MDGA2: variants seen among roughly 807,000 people sequenced by gnomAD.
The protein encoded by MDGA2 is MAM domain containing glycosylphosphatidylinositol anchor 2.
Under a neutral mutation model 117.8 loss-of-function variants are expected in MDGA2, and 40 were observed. The observed-to-expected ratio is 0.34, with a 90% confidence interval of 0.26 to 0.44. The LOEUF (loss-of-function observed/expected upper bound fraction) is 0.44, where lower values mean the gene tolerates loss of function less well. Ranked by LOEUF, MDGA2 falls within the 20% of genes least tolerant of loss-of-function variation. The pLI is 1.00. For synonymous variants in MDGA2, 452 were observed against 439.0 expected (o/e 1.03, Z -0.37); for missense variants, 1,123 against 1,250.6 (o/e 0.90, Z 1.54).
intron 1 of MDGA2, among the ~76,000 whole-genome samples, chr14:47,381,983 T>C (rs1891640810): frequency 6.6e-6 from 1 of 151,358 alleles, no homozygotes; most frequent in African/African-American, 2.4e-5. Context: ...TACAGTAGCA[T>C]GGTACTGTTA....
chr14:47,006,609 C>T (rs182203979), intron 8 of MDGA2, among the ~76,000 whole-genome samples: 21 of 151,160 alleles, frequency 1.4e-4, no homozygotes, highest in African/African-American at 4.8e-4. Context: ...AAGGAAAATG[C>T]CTTTAATCCT....
chr14:47,329,924 GA>G (rs1221418649), intron 1 of MDGA2, among the ~76,000 whole-genome samples: 1 of 151,722 alleles, frequency 6.6e-6, no homozygotes, highest in Admixed American at 6.6e-5. Flanking sequence ...AGAAAGTGGG[GA>G]AAAAATCCTC....
At chr14:47,455,172 A>T (rs982457671) in intron 1 of MDGA2, among the ~76,000 whole-genome samples, 18 of 152,226 alleles carry the variant, frequency 1.2e-4, no homozygotes, top group African/African-American at 4.3e-4. Flanking sequence ...AGCCAAAATG[A>T]ACCTGAAGGT....
At chr14:47,509,260 G>A (rs1195341082) in intron 1 of MDGA2, among the ~76,000 whole-genome samples, 1 of 152,232 alleles carries the variant, frequency 6.6e-6, no homozygotes, top group Admixed American at 6.5e-5. Flanking sequence ...GGATGGGATA[G>A]TATTGTGCGT....
chr14:47,268,066 C>A (rs1489069488), intron 2 of MDGA2, among the ~76,000 whole-genome samples: 2 of 151,544 alleles, frequency 1.3e-5, no homozygotes, highest in African/African-American at 4.8e-5. Context: ...CATCTTATTT[C>A]CTTTTCTTCT....
Position 47,674,818 on chromosome 14 carries a change from C to A in MDGA2, c.-22G>T, listed in dbSNP as rs1417998394. Reference sequence around the variant, plus strand: ...TCATGCACACACACACTCACACACACTCACACACTCTCCCACAACACAATA... The same window carrying A: ...TCATGCACACACACACTCACACACAATCACACACTCTCCCACAACACAATA... On this transcript the variant is annotated 5_prime_UTR_variant, in exon 1 of 17. Coordinates refer to ENST00000399232, the MANE Select transcript of MDGA2 (RefSeq NM_001113498.3). The A allele has an allele frequency of 7.8e-6, 5 of 645,078 alleles. No individual in the cohort carries two copies. Among genetic ancestry groups the A allele is most frequent in the Non-Finnish European group, 1.4e-5 (5 of 362,054 alleles). 40.0% of individuals were successfully genotyped at this position (645,078 alleles called of 1,614,324 possible).
intron 2 of MDGA2, among the ~76,000 whole-genome samples, chr14:47,278,389 G>C (rs1888374058): frequency 1.3e-5 from 2 of 151,940 alleles, no homozygotes; most frequent in Non-Finnish European, 2.9e-5. Flanking sequence ...CATGAAGCCA[G>C]AACTCAGACT....
intron 3 of MDGA2, among the ~76,000 whole-genome samples, chr14:47,192,123 T>A (rs1445600761): frequency 6.6e-6 from 1 of 152,148 alleles, no homozygotes; most frequent in Non-Finnish European, 1.5e-5. Context: ...CAACGACAAT[T>A]GCAGTGGAGA....
intron 1 of MDGA2, among the ~76,000 whole-genome samples, chr14:47,475,815 T>C (rs1893824520): frequency 6.6e-6 from 1 of 152,008 alleles, no homozygotes; most frequent in Non-Finnish European, 1.5e-5. Context: ...CAAAACACAC[T>C]GGGGCCTGTC....
At chr14:46,864,545 GTTTTTTTTTTTTTT>G (rs71112467) in intron 14 of MDGA2, among the ~76,000 whole-genome samples, 1 of 51,472 alleles carries the variant, frequency 1.9e-5, no homozygotes, top group Non-Finnish European at 3.9e-5. Flanking sequence ...AGATATTGCT[GTTTTTTTTTTTTTT>G]TTTTTTTTTT....
intron 1 of MDGA2, among the ~76,000 whole-genome samples, chr14:47,516,326 T>C (rs529339318): frequency 2.0e-5 from 3 of 152,240 alleles, no homozygotes; most frequent in Admixed American, 2.0e-4. Context: ...GTAGCAGACA[T>C]TTATTGTCAC....
intron 2 of MDGA2, among the ~76,000 whole-genome samples, chr14:47,231,300 G>A (rs1886680999): frequency 6.6e-6 from 1 of 151,924 alleles, no homozygotes. Flanking sequence ...CATTAACTAA[G>A]TACTAGATCC....
chr14:47,541,496 T>C (rs569569789), intron 1 of MDGA2, among the ~76,000 whole-genome samples: 1 of 152,286 alleles, frequency 6.6e-6, no homozygotes, highest in African/African-American at 2.4e-5. Flanking sequence ...ATGTTGCAGT[T>C]CTCTCTCTTA....
At chr14:47,017,481 G>A (rs1888126275) in intron 8 of MDGA2, among the ~76,000 whole-genome samples, 1 of 151,920 alleles carries the variant, frequency 6.6e-6, no homozygotes, top group Admixed American at 6.6e-5. Context: ...GCCATAAAAA[G>A]GGAAATGAGA....
At chr14:47,346,382 T>C (rs1322054779) in intron 1 of MDGA2, among the ~76,000 whole-genome samples, 1 of 152,186 alleles carries the variant, frequency 6.6e-6, no homozygotes, top group Non-Finnish European at 1.5e-5. Context: ...ATCTTGTGTC[T>C]GATTAAAAAA....
intron 2 of MDGA2, among the ~76,000 whole-genome samples, chr14:47,287,836 T>C (rs1202615480): frequency 2.6e-5 from 4 of 152,046 alleles, no homozygotes; most frequent in African/African-American, 7.2e-5. Context: ...CTTAATCCAA[T>C]CCACCAGTGT....
intron 1 of MDGA2, among the ~76,000 whole-genome samples, chr14:47,543,792 T>C (rs1439854898): frequency 3.9e-5 from 6 of 152,182 alleles, no homozygotes; most frequent in African/African-American, 1.4e-4. Flanking sequence ...CACTAAAATA[T>C]CATTTGGCAA....
intron 3 of MDGA2, among the ~76,000 whole-genome samples, chr14:47,215,905 G>A (rs1310800203): frequency 6.6e-6 from 1 of 152,114 alleles, no homozygotes; most frequent in Non-Finnish European, 1.5e-5. Context: ...TCAAGTCGAG[G>A]TTGCATGAGA....
chr14:47,628,044 C>T (rs1285865788), intron 1 of MDGA2, among the ~76,000 whole-genome samples: 7 of 152,182 alleles, frequency 4.6e-5, no homozygotes, highest in African/African-American at 1.7e-4. Context: ...TACCACCTGC[C>T]ATAGTTTTGG....
Sources: gnomAD v4.1 joint callset for allele counts (sites outside exome capture counted in the v4.1 genomes callset) on GRCh38, gnomAD v4.1.1 for gene constraint, MANE v1.5 for transcripts, NCBI Gene and HGNC (gene_info 2026-07-23, HGNC 2026-07-21) for gene names.